BMP2K: variants seen among roughly 807,000 people sequenced by gnomAD.
BMP2K encodes the protein BMP-2-inducible protein kinase.
Under a neutral mutation model 116.0 loss-of-function variants are expected in BMP2K, and 74 were observed. The ratio of observed to expected loss-of-function variants is 0.64; its 90% CI spans 0.53 to 0.77. BMP2K has a LOEUF of 0.77. Among genes scored for constraint, BMP2K ranks in the 30% least tolerant of loss-of-function variants. BMP2K has a pLI of 0.00. For synonymous variants in BMP2K, 486 were observed against 502.5 expected (o/e 0.97, Z 0.44); for missense variants, 1,365 against 1,403.6 (o/e 0.97, Z 0.44).
chr4:78,820,881 T>C (rs1054559533), intron 1 of BMP2K: 1 of 153,438 alleles, frequency 6.5e-6, no homozygotes, highest in African/African-American at 2.4e-5. Flanking sequence ...CTGGACTGTT[T>C]TTTTAATATT....
intron 1 of BMP2K, among the ~76,000 whole-genome samples, chr4:78,815,438 G>T (rs984232909): frequency 6.6e-6 from 1 of 152,172 alleles, no homozygotes; most frequent in East Asian, 1.9e-4. Flanking sequence ...TCAGGAAGAA[G>T]AGAGATGATA....
intron 3 of BMP2K, among the ~76,000 whole-genome samples, chr4:78,838,670 A>G (rs531976637): frequency 1.2e-4 from 18 of 152,366 alleles, no homozygotes; most frequent in Middle Eastern, 6.8e-3. Flanking sequence ...TAGTAAGGGA[A>G]CCTATATAAT....
At chr4:78,852,565 T>C (rs567232131) in intron 7 of BMP2K, among the ~76,000 whole-genome samples, 1 of 152,292 alleles carries the variant, frequency 6.6e-6, no homozygotes, top group East Asian at 1.9e-4. Flanking sequence ...TAATGTAATG[T>C]GTTTTAGAAA....
At chr4:78,868,500 A>T (rs1179575277) in intron 10 of BMP2K, among the ~76,000 whole-genome samples, 2 of 152,104 alleles carry the variant, frequency 1.3e-5, no homozygotes, top group East Asian at 3.9e-4. Context: ...AAAACCAATC[A>T]TGCCTTCCCA....
chr4:78,802,728 G>A (rs191537409), intron 1 of BMP2K, among the ~76,000 whole-genome samples: 13 of 151,958 alleles, frequency 8.6e-5, no homozygotes, highest in Admixed American at 7.2e-4. Context: ...TCAACTTTTT[G>A]TAGTTTTTAT....
At chr4:78,844,801 T>C (rs1268409763) in intron 4 of BMP2K, 127 bp from the exon 5 acceptor site, 1 of 762,210 alleles carries the variant, frequency 1.3e-6, no homozygotes, top group Non-Finnish European at 2.2e-6. Context: ...GTATATGGCA[T>C]ATACCCTTCG....
intron 1 of BMP2K, among the ~76,000 whole-genome samples, chr4:78,781,094 G>A (rs897325086): frequency 2.0e-5 from 3 of 152,206 alleles, no homozygotes; most frequent in African/African-American, 7.2e-5. Context: ...TCACATGTAA[G>A]AGAGATCCAA....
intron 5 of BMP2K, 124 bp from the exon 6 acceptor site, chr4:78,847,064 C>T (rs571058015): frequency 1.0e-5 from 4 of 396,506 alleles, no homozygotes; most frequent in African/African-American, 8.4e-5. Context: ...TAGTATTACT[C>T]TATATAATGT....
At chr4:78,890,721 A>C (rs990418303) in intron 15 of BMP2K, among the ~76,000 whole-genome samples, 1 of 152,156 alleles carries the variant, frequency 6.6e-6, no homozygotes, top group Admixed American at 6.5e-5. Flanking sequence ...TACATCTCTC[A>C]TGGAGCTCTG....
chr4:78,832,926 A>G (rs1325796163), intron 2 of BMP2K, among the ~76,000 whole-genome samples: 1 of 151,964 alleles, frequency 6.6e-6, no homozygotes, highest in Non-Finnish European at 1.5e-5. Flanking sequence ...TTTAAATAAT[A>G]TTTTTAATAG....
At chr4:78,812,221 G>A (rs1156699598) in intron 1 of BMP2K, among the ~76,000 whole-genome samples, 9 of 152,060 alleles carry the variant, frequency 5.9e-5, no homozygotes, top group Non-Finnish European at 1.2e-4. Context: ...CACCCACCTC[G>A]GCCTCCCAAA....
chr4:78,844,476 A>G (rs1048738814), intron 4 of BMP2K, among the ~76,000 whole-genome samples: 1 of 151,766 alleles, frequency 6.6e-6, no homozygotes, highest in Admixed American at 6.6e-5. Context: ...GTTATTATCT[A>G]TAGAGAAGCT....
At chr4:78,792,384 T>G (rs1728045967) in intron 1 of BMP2K, among the ~76,000 whole-genome samples, 1 of 152,200 alleles carries the variant, frequency 6.6e-6, no homozygotes, top group Non-Finnish European at 1.5e-5. Flanking sequence ...GTGATGGAGT[T>G]GTTTGCTGAA....
Position 78,901,525 on chromosome 4 carries a change from GA to G in BMP2K, c.2063-9084del, listed in dbSNP as rs567017877. ...ATTTCCACTACCAGTATCTGTTTAA[GA>G]TGGTGCCATTCCTATTTTCACTAAA... On this transcript the variant is annotated intron_variant, in intron 15 of 15. Coordinates refer to ENST00000502613, the MANE Select transcript of BMP2K (RefSeq NM_198892.2). 1.1e-3 allele frequency among the ~76,000 whole-genome samples: 163 copies of G among 152,256 alleles called. 1 individual carries two copies. The highest frequency in any genetic ancestry group is 2.2e-3 in the Admixed American group (34 of 15,286).
intron 1 of BMP2K, among the ~76,000 whole-genome samples, chr4:78,783,481 AT>A (rs1360035395): frequency 2.0e-5 from 3 of 152,202 alleles, no homozygotes; most frequent in African/African-American, 7.2e-5. Flanking sequence ...AACAGTGGAA[AT>A]TTATAATGCA....
intron 1 of BMP2K, among the ~76,000 whole-genome samples, chr4:78,825,091 C>T (rs1014275930): frequency 2.0e-5 from 3 of 152,094 alleles, no homozygotes; most frequent in Admixed American, 1.3e-4. Flanking sequence ...ATAGTCCCAG[C>T]GACTTGGGAG....
At chr4:78,859,318 C>G in intron 7 of BMP2K, 1 of 267,976 alleles carries the variant, frequency 3.7e-6, no homozygotes, top group Non-Finnish European at 6.9e-6. Flanking sequence ...TCTTTTGTGT[C>G]ACTTTTTCAA....
intron 10 of BMP2K, 118 bp downstream of exon 10, chr4:78,865,838 C>T (rs530435121): frequency 1.0e-6 from 1 of 989,030 alleles, no homozygotes; most frequent in Non-Finnish European, 1.5e-6. Context: ...ATAATGCTTT[C>T]AGAAACTTTC....
intron 15 of BMP2K, among the ~76,000 whole-genome samples, chr4:78,893,971 G>C (rs145950888): frequency 5.9e-5 from 9 of 152,314 alleles, no homozygotes; most frequent in Admixed American, 5.9e-4. Context: ...CTCCATCAGA[G>C]CTCTTGGGTG....
Sources: allele counts gnomAD v4.1 joint callset (sites outside exome capture counted in the v4.1 genomes callset), GRCh38; gene constraint gnomAD v4.1.1; transcripts MANE v1.5; gene names NCBI Gene and HGNC (gene_info 2026-07-23, HGNC 2026-07-21).